Variants in PPP3R1 observed in about 807,000 individuals in gnomAD.
The protein encoded by PPP3R1 is calcineurin subunit B type 1.
In PPP3R1, 5 loss-of-function variants were observed where a neutral mutation model predicts 22.6. The observed-to-expected ratio is 0.22, with a 90% confidence interval of 0.12 to 0.46. The LOEUF is 0.46. PPP3R1 is among the 20% of genes least tolerant of loss of function. The pLI, the probability that PPP3R1 is intolerant of heterozygous loss-of-function variation, is 0.99. For synonymous variants in PPP3R1, 56 were observed against 65.2 expected, an observed-to-expected ratio of 0.86 and a Z score of 0.68; for missense variants, 61 against 203.2, an observed-to-expected ratio of 0.30 and a Z score of 4.25.
At chr2:68,193,342 G>T (rs1468842061) in intron 2 of PPP3R1, among the ~76,000 whole-genome samples, 1 of 152,116 alleles carries the variant, frequency 6.6e-6, no homozygotes, top group Non-Finnish European at 1.5e-5. Flanking sequence ...TATGGGGGCA[G>T]TTATCTTTTC....
At chr2:68,207,234 A>T (rs1282821386) in intron 2 of PPP3R1, among the ~76,000 whole-genome samples, 1 of 151,958 alleles carries the variant, frequency 6.6e-6, no homozygotes, top group Non-Finnish European at 1.5e-5. Flanking sequence ...AAAAAAAAAA[A>T]AAGCATGTAA....
In PPP3R1 at chr2:68,184,011, G is replaced by A. The variant is rs1674477381; in HGVS notation, c.465+2457C>T. Among the ~76,000 whole-genome samples the A allele has an allele frequency of 2.0e-5, 3 of 152,066 alleles. No individual in the cohort carries two copies. The South Asian group carries it at 6.2e-4, about 32-fold the overall frequency. On this transcript the variant is annotated intron_variant, in intron 5 of 5. Transcript: ENST00000234310. ...GTCAGGAAGTCAGGTACAGAACAAGGGCACAGATGCCAATATGCAAATATG... is the reference window on the plus strand; with the variant it reads ...GTCAGGAAGTCAGGTACAGAACAAGAGCACAGATGCCAATATGCAAATATG...
intron 1 of PPP3R1, among the ~76,000 whole-genome samples, chr2:68,228,184 T>A (rs938180232): frequency 1.3e-5 from 2 of 152,308 alleles, no homozygotes; most frequent in East Asian, 3.9e-4. Flanking sequence ...TCTATTAATA[T>A]AATTATACAG....
chr2:68,205,943 C>T (rs1339677730), intron 2 of PPP3R1, among the ~76,000 whole-genome samples: 1 of 152,096 alleles, frequency 6.6e-6, no homozygotes, highest in Admixed American at 6.5e-5. Flanking sequence ...CCTCAGCCAC[C>T]TGAGTAGCTG....
chr2:68,187,346 G>A, intron 3 of PPP3R1, 32 bp from the exon 4 acceptor site: 1 of 1,560,710 alleles, frequency 6.4e-7, no homozygotes, highest in East Asian at 2.3e-5. Flanking sequence ...TCACAAATCA[G>A]AACTTCCAAT....
At chr2:68,239,737 T>C (rs929051804) in intron 1 of PPP3R1, among the ~76,000 whole-genome samples, 1 of 152,186 alleles carries the variant, frequency 6.6e-6, no homozygotes, top group Non-Finnish European at 1.5e-5. Context: ...CTATAATGTG[T>C]AGGGTCCTAT....
At chr2:68,220,133 C>T (rs1391571349) in intron 1 of PPP3R1, among the ~76,000 whole-genome samples, 1 of 152,136 alleles carries the variant, frequency 6.6e-6, no homozygotes, top group Admixed American at 6.5e-5. Flanking sequence ...GGATCTATGT[C>T]CCAGCTTACT....
At chr2:68,243,756 A>T (rs1263043509) in intron 1 of PPP3R1, among the ~76,000 whole-genome samples, 1 of 152,178 alleles carries the variant, frequency 6.6e-6, no homozygotes, top group Non-Finnish European at 1.5e-5. Context: ...TTAAAATACC[A>T]TTAAAACTTT....
chr2:68,203,233 A>T (rs1040247821), intron 2 of PPP3R1, among the ~76,000 whole-genome samples: 2 of 152,238 alleles, frequency 1.3e-5, no homozygotes, highest in Non-Finnish European at 2.9e-5. Flanking sequence ...TAATAAATTT[A>T]TGAAGATGTT....
At chr2:68,198,477 GTATA>G (rs909273896) in intron 2 of PPP3R1, among the ~76,000 whole-genome samples, 1 of 149,640 alleles carries the variant, frequency 6.7e-6, no homozygotes, top group Non-Finnish European at 1.5e-5. Flanking sequence ...ATATGCGTAT[GTATA>G]TATATGTATA....
At chr2:68,205,240 A>ACC (rs1217681059) in intron 2 of PPP3R1, among the ~76,000 whole-genome samples, 3 of 115,808 alleles carry the variant, frequency 2.6e-5, no homozygotes, top group Non-Finnish European at 3.6e-5. Context: ...AATCAGTATT[A>ACC]TCTTTTTTTT....
chr2:68,179,003 A>AG lies in PPP3R1; in HGVS notation c.*1959_*1960insC. On this transcript the variant is annotated 3_prime_UTR_variant, in exon 6 of 6. Coordinates refer to ENST00000234310, the MANE Select transcript of PPP3R1 (RefSeq NM_000945.4). ...CACCCCCACACACAAACTAAAAAAA[A>AG]AAAAAAAAAAAAAGAAAAAGAAAAA... 7.6e-6 allele frequency: 1 copy of AG among 130,772 alleles called. No homozygotes were observed. The highest frequency in any genetic ancestry group is 2.5e-4 in the South Asian group (1 of 3,986). The allele number at this position is 130,772 out of a possible 1,614,324, so 8.1% of individuals were successfully genotyped here. A position where few individuals can be genotyped will look rare whatever the true frequency, so the allele number is the denominator to read the frequency against.
Position 68,179,650 on chromosome 2 carries a change from A to G in PPP3R1, c.*1313T>C, listed in dbSNP as rs991683359. On this transcript the variant is annotated 3_prime_UTR_variant, in exon 6 of 6. Transcript: ENST00000234310. Reference sequence around the variant, plus strand: ...TAACAGTACCTTTGCAGAAATGGGAAGGGATAAGATCAAACAGTAGAACAT... The same window carrying G: ...TAACAGTACCTTTGCAGAAATGGGAGGGGATAAGATCAAACAGTAGAACAT... 6.6e-6 allele frequency: 1 copy of G among 152,254 alleles called. No homozygotes were observed. The highest frequency in any genetic ancestry group is 2.4e-5 in the African/African-American group (1 of 41,466). The allele number at this position is 152,254 out of a possible 1,614,324, so 9.4% of individuals were successfully genotyped here.
chr2:68,241,632 AGGTC>A (rs1670139444), intron 1 of PPP3R1, among the ~76,000 whole-genome samples: 1 of 152,152 alleles, frequency 6.6e-6, no homozygotes, highest in Non-Finnish European at 1.5e-5. Flanking sequence ...GCGGATCACC[AGGTC>A]AGGAGCTGGC....
intron 1 of PPP3R1, among the ~76,000 whole-genome samples, chr2:68,234,055 A>G (rs1208792733): frequency 6.6e-6 from 1 of 152,168 alleles, no homozygotes; most frequent in African/African-American, 2.4e-5. Flanking sequence ...GTTATAAAGA[A>G]GCTTAAGGCC....
chr2:68,243,819 T>C (rs1670179003), intron 1 of PPP3R1, among the ~76,000 whole-genome samples: 2 of 152,068 alleles, frequency 1.3e-5, no homozygotes, highest in African/African-American at 4.8e-5. Flanking sequence ...TAGTTTGTAA[T>C]AAGTAGCGTA....
At chr2:68,197,362 T>C (rs752027876) in intron 2 of PPP3R1, among the ~76,000 whole-genome samples, 7 of 152,224 alleles carry the variant, frequency 4.6e-5, no homozygotes, top group Non-Finnish European at 7.3e-5. Flanking sequence ...ATGTGTCAGT[T>C]TGTTCCTTTA....
chr2:68,188,778 T>C, intron 2 of PPP3R1, 88 bp from the exon 3 acceptor site: 1 of 1,217,586 alleles, frequency 8.2e-7, no homozygotes, highest in Non-Finnish European at 1.1e-6. Flanking sequence ...TTAAAAAAAA[T>C]TTTAATAGTT....
At chr2:68,202,925 C>T (rs1354166157) in intron 2 of PPP3R1, among the ~76,000 whole-genome samples, 2 of 149,076 alleles carry the variant, frequency 1.3e-5, no homozygotes, top group Non-Finnish European at 3.0e-5. Flanking sequence ...GCCTCAGCCT[C>T]CCGAGTAGCT....
Sources: allele counts gnomAD v4.1 joint callset (sites outside exome capture counted in the v4.1 genomes callset), GRCh38; gene constraint gnomAD v4.1.1; transcripts MANE v1.5; gene names NCBI Gene and HGNC (gene_info 2026-07-23, HGNC 2026-07-21).